Variants in REEP1 observed in about 807,000 individuals in gnomAD.
REEP1 encodes the protein receptor expression-enhancing protein 1.
In REEP1, 22 loss-of-function variants were observed where a neutral mutation model predicts 40.3. The observed-to-expected ratio is 0.55, with a 90% CI of 0.39 to 0.78. The LOEUF (loss-of-function observed/expected upper bound fraction) is 0.78, where lower values mean the gene tolerates loss of function less well. Among genes scored for constraint, REEP1 ranks in the 30% least tolerant of loss-of-function variants. REEP1 has a pLI of 0.00. For synonymous variants in REEP1, 116 were observed against 139.2 expected, an observed-to-expected ratio of 0.83 and a Z score of 1.17; for missense variants, 280 against 361.1, an observed-to-expected ratio of 0.78 and a Z score of 1.82.
At chr2:86,321,692 G>C (rs1440031756) in intron 1 of REEP1, among the ~76,000 whole-genome samples, 1 of 152,142 alleles carries the variant, frequency 6.6e-6, no homozygotes, top group Non-Finnish European at 1.5e-5. Flanking sequence ...TTAGACTAAA[G>C]ACCAAAAAGA....
chr2:86,264,855 G>A (rs1209676045), intron 2 of REEP1, among the ~76,000 whole-genome samples: 4 of 152,304 alleles, frequency 2.6e-5, no homozygotes, highest in Admixed American at 1.3e-4. Flanking sequence ...TTTGGAGCAC[G>A]GGAACCACAC....
chr2:86,221,677 A>G (rs1310649173), intron 7 of REEP1, among the ~76,000 whole-genome samples: 1 of 152,164 alleles, frequency 6.6e-6, no homozygotes, highest in Non-Finnish European at 1.5e-5. Flanking sequence ...CTGGGGGGCC[A>G]TGGCTGATCC....
intron 1 of REEP1, among the ~76,000 whole-genome samples, chr2:86,331,182 T>C (rs1680745672): frequency 6.6e-6 from 1 of 152,184 alleles, no homozygotes; most frequent in South Asian, 2.1e-4. Context: ...CAGCCCTAAC[T>C]TCATATCTTC....
intron 7 of REEP1, 41 bp from the exon 8 acceptor site, chr2:86,220,162 T>G (rs1012001189): frequency 8.2e-7 from 1 of 1,214,016 alleles, no homozygotes. Context: ...AGACAAGGTA[T>G]AGCAAGGAAG....
At chr2:86,250,484 G>T (rs1268549382) in intron 5 of REEP1, among the ~76,000 whole-genome samples, 4 of 152,246 alleles carry the variant, frequency 2.6e-5, no homozygotes, top group Non-Finnish European at 4.4e-5. Context: ...CAAATAGAAG[G>T]TTCTTGGAAT....
At chr2:86,335,710 G>A (rs1306231705) in intron 1 of REEP1, among the ~76,000 whole-genome samples, 2 of 152,014 alleles carry the variant, frequency 1.3e-5, no homozygotes, top group South Asian at 2.1e-4. Flanking sequence ...TTAGCTGGGC[G>A]TGGTGGCAGG....
chr2:86,261,298 T>C (rs115306490), intron 3 of REEP1, among the ~76,000 whole-genome samples: 2,479 of 152,234 alleles, frequency 0.016, 57 homozygotes, highest in African/African-American at 0.054. Context: ...AGGAGTTTCC[T>C]TGTGGGGAAA....
At chr2:86,335,622 G>C (rs563477043) in intron 1 of REEP1, among the ~76,000 whole-genome samples, 2 of 152,122 alleles carry the variant, frequency 1.3e-5, no homozygotes, top group African/African-American at 4.8e-5. Flanking sequence ...AGGCCGAAGC[G>C]GGCGGATCAC....
At chr2:86,332,042 T>C (rs1558941682) in intron 1 of REEP1, among the ~76,000 whole-genome samples, 1 of 152,144 alleles carries the variant, frequency 6.6e-6, no homozygotes, top group Non-Finnish European at 1.5e-5. Flanking sequence ...TGGTCCTTGA[T>C]CTATATTTCC....
At chr2:86,229,190 C>A (rs941424251) in intron 6 of REEP1, among the ~76,000 whole-genome samples, 4 of 152,200 alleles carry the variant, frequency 2.6e-5, no homozygotes, top group Non-Finnish European at 4.4e-5. Flanking sequence ...AGAAGAAAGC[C>A]TGAGGGAATC....
intron 1 of REEP1, among the ~76,000 whole-genome samples, chr2:86,316,064 C>G (rs1182895827): frequency 6.6e-6 from 1 of 152,088 alleles, no homozygotes; most frequent in African/African-American, 2.4e-5. Flanking sequence ...AGGCACCAAC[C>G]AAAGAGTACA....
chr2:86,266,429 C>T (rs1185817115), intron 2 of REEP1, among the ~76,000 whole-genome samples: 2 of 150,694 alleles, frequency 1.3e-5, no homozygotes, highest in African/African-American at 4.9e-5. Context: ...ACCATCCTGG[C>T]TAACAAGGTG....
intron 2 of REEP1, among the ~76,000 whole-genome samples, chr2:86,266,684 G>A (rs192159460): frequency 1.8e-3 from 268 of 150,384 alleles, no homozygotes; most frequent in Non-Finnish European, 3.0e-3. Context: ...AATAAATAAA[G>A]ATATACTACC....
chr2:86,223,038 C>T (rs1204068462), intron 7 of REEP1, among the ~76,000 whole-genome samples: 1 of 152,240 alleles, frequency 6.6e-6, no homozygotes, highest in Admixed American at 6.5e-5. Context: ...GGAGGAGGGT[C>T]TCCCGCCCAA....
At chr2:86,267,047 A>G (rs866476648) in intron 2 of REEP1, among the ~76,000 whole-genome samples, 1 of 151,374 alleles carries the variant, frequency 6.6e-6, no homozygotes, top group South Asian at 2.1e-4. Context: ...AAACTAAAAA[A>G]TTTACTGGGA....
At chr2:86,267,869 C>T (rs1373772976) in intron 2 of REEP1, among the ~76,000 whole-genome samples, 1 of 151,432 alleles carries the variant, frequency 6.6e-6, no homozygotes, top group Non-Finnish European at 1.5e-5. Flanking sequence ...GGGTACATAA[C>T]CCAGTTAAAA....
chr2:86,236,619 C>G (rs934968173), intron 5 of REEP1, among the ~76,000 whole-genome samples: 5 of 151,958 alleles, frequency 3.3e-5, no homozygotes, highest in African/African-American at 4.8e-5. Flanking sequence ...AAGACCAGCC[C>G]GGGCAACATA....
chr2:86,238,360 A>G (rs1398179623), intron 5 of REEP1, among the ~76,000 whole-genome samples: 1 of 152,206 alleles, frequency 6.6e-6, no homozygotes, highest in Non-Finnish European at 1.5e-5. Context: ...TTCTCTACTC[A>G]TCCCAGTTCC....
chr2:86,333,156 T>G lies in REEP1; in HGVS notation c.32+4323A>C, dbSNP rs183259703. On this transcript the variant is annotated intron_variant, in intron 1 of 8. Coordinates refer to ENST00000538924, the MANE Select transcript of REEP1 (RefSeq NM_001371279.1). ...GAACCCTCCATTAACTGAATCAGTT[T>G]CCTGCATGCCACATTTTAAAAGCAG... is the stretch of plus-strand genomic sequence containing the variant. Among the ~76,000 whole-genome samples the G allele has an allele frequency of 5.9e-4, 90 of 152,366 alleles. 1 individual carries two copies. The highest frequency in any genetic ancestry group is 1.9e-3 in the African/African-American group (81 of 41,584).
Sources: allele counts gnomAD v4.1 joint callset (sites outside exome capture counted in the v4.1 genomes callset), GRCh38; gene constraint gnomAD v4.1.1; transcripts MANE v1.5; gene names NCBI Gene and HGNC (gene_info 2026-07-23, HGNC 2026-07-21).